Variants in RBFOX1 observed in about 807,000 individuals in gnomAD.
The protein encoded by RBFOX1 is RNA binding protein fox-1 homolog 1.
Under a neutral mutation model 57.7 loss-of-function variants are expected in RBFOX1, and 8 were observed. That is an observed-to-expected ratio of 0.14 (90% confidence interval 0.08 to 0.25). The LOEUF is 0.25. Among genes scored for constraint, RBFOX1 ranks in the 10% least tolerant of loss-of-function variants. The pLI is 1.00. For synonymous variants in RBFOX1, 326 were observed against 222.4 expected (o/e 1.47, Z -4.15); for missense variants, 611 against 548.5 (o/e 1.11, Z -1.14).
intron 3 of RBFOX1, among the ~76,000 whole-genome samples, chr16:6,778,120 A>G (rs2079698573): frequency 6.6e-6 from 1 of 152,178 alleles, no homozygotes; most frequent in Non-Finnish European, 1.5e-5. Context: ...CATGATCTGG[A>G]TGCGCAGTGC....
At chr16:7,152,167 A>G (rs2076231412) in intron 4 of RBFOX1, among the ~76,000 whole-genome samples, 1 of 152,140 alleles carries the variant, frequency 6.6e-6, no homozygotes. Flanking sequence ...CTCACCCCTG[A>G]GCTGATTCTT....
rs974144944 is a variant in RBFOX1 at position 5,784,448 on chromosome 16, C to T, written c.319-82855C>T. On this transcript the variant is annotated intron_variant, in intron 3 of 19. Coordinates refer to the RBFOX1 transcript ENST00000641259. ...TCTGAAACAAAAAAAAAAGAGGAAG[C>T]AGGCACATCTTACATGGCCAGAGCA... 5.9e-5 allele frequency among the ~76,000 whole-genome samples: 9 copies of T among 151,638 alleles called. 1 individual carries two copies. The South Asian group carries it at 1.7e-3, about 28-fold the overall frequency.
chr16:6,187,377 G>A (rs1176688422), intron 1 of RBFOX1, among the ~76,000 whole-genome samples: 3 of 152,170 alleles, frequency 2.0e-5, no homozygotes, highest in Non-Finnish European at 1.5e-5. Flanking sequence ...ACCCCTAGAT[G>A]TGACGAGGCT....
intron 1 of RBFOX1, among the ~76,000 whole-genome samples, chr16:5,288,407 C>A (rs2063452358): frequency 6.6e-6 from 1 of 152,110 alleles, no homozygotes; most frequent in African/African-American, 2.4e-5. Context: ...AGCCAACATT[C>A]TAAATAAATG....
At chr16:6,142,364 G>T (rs1173028256) in intron 1 of RBFOX1, among the ~76,000 whole-genome samples, 1 of 151,534 alleles carries the variant, frequency 6.6e-6, no homozygotes, top group Non-Finnish European at 1.5e-5. Flanking sequence ...TGGGACTACA[G>T]GCGCCCGCCT....
At chr16:6,415,615 C>T (rs1190873177) in intron 2 of RBFOX1, among the ~76,000 whole-genome samples, 3 of 152,108 alleles carry the variant, frequency 2.0e-5, no homozygotes, top group East Asian at 1.9e-4. Context: ...ACAGAAGAAT[C>T]GCTTGAATCC....
At chr16:6,011,380 T>C (rs192146076) in intron 4 of RBFOX1, among the ~76,000 whole-genome samples, 8 of 152,316 alleles carry the variant, frequency 5.3e-5, no homozygotes, top group Admixed American at 4.6e-4. Flanking sequence ...AGTGTTTTTT[T>C]TTTATTGGCC....
chr16:7,029,079 T>TAC (rs1174595280), intron 3 of RBFOX1, among the ~76,000 whole-genome samples: 3 of 36,984 alleles, frequency 8.1e-5, no homozygotes, highest in African/African-American at 6.6e-4. Context: ...TATATATATA[T>TAC]ATACACACAC....
At chr16:7,604,768 G>A (rs756305311) in intron 9 of RBFOX1, among the ~76,000 whole-genome samples, 5 of 152,110 alleles carry the variant, frequency 3.3e-5, no homozygotes, top group Non-Finnish European at 7.4e-5. Flanking sequence ...ATCTTTAAGA[G>A]CTACACCAAA....
chr16:7,209,871 C>T (rs557357236), intron 4 of RBFOX1, among the ~76,000 whole-genome samples: 1 of 152,158 alleles, frequency 6.6e-6, no homozygotes, highest in Non-Finnish European at 1.5e-5. Flanking sequence ...CACACACTCT[C>T]AAGGTCTTGA....
chr16:7,278,649 C>T (rs2095485849), intron 4 of RBFOX1, among the ~76,000 whole-genome samples: 1 of 152,182 alleles, frequency 6.6e-6, no homozygotes, highest in South Asian at 2.1e-4. Context: ...TGCAAGTCTG[C>T]AATTCATATC....
chr16:7,553,802 G>T (rs2087383251), intron 5 of RBFOX1, among the ~76,000 whole-genome samples: 1 of 152,224 alleles, frequency 6.6e-6, no homozygotes. Context: ...GGAGGCTGTT[G>T]CTGGAGCTAA....
Position 7,699,935 on chromosome 16 carries a change from T to C in RBFOX1, c.996-9121T>C, listed in dbSNP as rs558297220. Among the ~76,000 whole-genome samples the C allele has an allele frequency of 2.6e-5, 4 of 152,304 alleles. No individual in the cohort carries two copies. In the South Asian group the frequency reaches 8.3e-4, roughly 32 times the overall value. On this transcript the variant is annotated intron_variant, in intron 14 of 15. Coordinates refer to ENST00000550418, the MANE Select transcript of RBFOX1 (RefSeq NM_018723.4). ...ATGTTCACCAGGAGTTAAAATGTTG[T>C]GACAGATAATCTGGACATTGTCAGT...
At chr16:5,669,759 A>G (rs2049961596) in intron 3 of RBFOX1, among the ~76,000 whole-genome samples, 1 of 152,214 alleles carries the variant, frequency 6.6e-6, no homozygotes, top group Admixed American at 6.5e-5. Flanking sequence ...AAAGAGCATG[A>G]TGAAAGAGAT....
chr16:7,588,566 C>T, intron 7 of RBFOX1, among the ~76,000 whole-genome samples: 1 of 152,282 alleles, frequency 6.6e-6, no homozygotes. Flanking sequence ...TTTAAGTTCC[C>T]TTCTCCTTGC....
chr16:5,428,052 TG>T (rs1350531795), intron 1 of RBFOX1, among the ~76,000 whole-genome samples: 2 of 152,158 alleles, frequency 1.3e-5, no homozygotes, highest in Admixed American at 1.3e-4. Flanking sequence ...CTTTGCCCTG[TG>T]GGCCCTGTCT....
At chr16:6,695,783 A>G (rs769705995) in intron 3 of RBFOX1, among the ~76,000 whole-genome samples, 1 of 152,226 alleles carries the variant, frequency 6.6e-6, no homozygotes, top group African/African-American at 2.4e-5. Flanking sequence ...AGTAAATAAC[A>G]GTTCTTTGAT....
In RBFOX1 at chr16:7,345,960, A is replaced by G. The variant is rs140496194; in HGVS notation, c.28-172187A>G. Among the ~76,000 whole-genome samples the G allele has an allele frequency of 4.2e-3, 646 of 152,098 alleles. 6 individuals are homozygous for G. The highest frequency in any genetic ancestry group is 6.9e-3 in the Non-Finnish European group (467 of 67,980). On this transcript the variant is annotated intron_variant, in intron 4 of 15. Transcript: ENST00000550418. ...GTCATTTACATTAGGTATATCTCCTAATGCTATCCCTCCCAGCTCCTCCAA... is the reference window on the plus strand; with the variant it reads ...GTCATTTACATTAGGTATATCTCCTGATGCTATCCCTCCCAGCTCCTCCAA...
intron 2 of RBFOX1, among the ~76,000 whole-genome samples, chr16:6,644,187 C>A (rs997213011): frequency 4.6e-5 from 7 of 152,152 alleles, no homozygotes; most frequent in Middle Eastern, 3.2e-3. Context: ...CATCTAAACT[C>A]ATATTCAGTG....
Sources: allele counts gnomAD v4.1 joint callset (sites outside exome capture counted in the v4.1 genomes callset), GRCh38; gene constraint gnomAD v4.1.1; transcripts MANE v1.5; gene names NCBI Gene and HGNC (gene_info 2026-07-23, HGNC 2026-07-21).